SMYD5: variants seen among roughly 807,000 people sequenced by gnomAD.
The protein encoded by SMYD5 is protein-lysine N-trimethyltransferase SMYD5.
A neutral mutation model predicts 57.4 loss-of-function variants in SMYD5; 35 were observed. That is an observed-to-expected ratio of 0.61 (90% CI 0.47 to 0.81). The LOEUF (loss-of-function observed/expected upper bound fraction) is 0.81. Among genes scored for constraint, SMYD5 ranks in the 30% least tolerant of loss-of-function variants. The probability of loss-of-function intolerance (pLI) is 0.00; values close to 1 mark genes in which losing one functional copy is unlikely to be tolerated. For synonymous variants in SMYD5, 198 were observed against 189.7 expected, an observed-to-expected ratio of 1.04 and a Z score of -0.36; for missense variants, 471 against 527.9, an observed-to-expected ratio of 0.89 and a Z score of 1.06.
Position 73,226,645 on chromosome 2 carries a change from G to C in SMYD5, c.*699G>C, listed in dbSNP as rs1686514453. ...CTGGCACAGTGGCTGGCCTTATGGA[G>C]TATGGAAAAGGCCTCTGCCTTCCTC... On this transcript the variant is annotated 3_prime_UTR_variant, in exon 13 of 13. Transcript: ENST00000389501. 6.5e-6 allele frequency: 1 copy of C among 152,952 alleles called. No individual in the cohort carries two copies. The highest frequency in any genetic ancestry group is 2.4e-5 in the African/African-American group (1 of 41,446). 9.5% of individuals were successfully genotyped at this position (152,952 alleles called of 1,614,324 possible).
In SMYD5 at chr2:73,221,930, GGTT is replaced by G; in HGVS notation, c.642+1_642+3del. On this transcript the variant is annotated splice_donor_variant and splice_donor_region_variant and intron_variant, in intron 6 of 12. Coordinates refer to ENST00000389501, the MANE Select transcript of SMYD5 (RefSeq NM_006062.3). LOFTEE classifies it high-confidence loss of function. ...ATAAACTTCTGGGAGACAAATTCAA[GGTT>G]ATTATTCTCCCGTGGCCTGTCTCCT... The G allele has an allele frequency of 6.3e-7, 1 of 1,586,800 alleles. No homozygotes were observed. Among genetic ancestry groups the G allele is most frequent in the Non-Finnish European group, 8.7e-7 (1 of 1,155,162 alleles).
rs1456059179 is a variant in SMYD5, at chr2:73,226,437, T to G, written c.*491T>G. On this transcript the variant is annotated 3_prime_UTR_variant, in exon 13 of 13. Coordinates refer to ENST00000389501, the MANE Select transcript of SMYD5 (RefSeq NM_006062.3). ...AGCTGTGGCTGGTAAGGCAACTGCT[T>G]GACCACTGGCCCAGCAAGCAGAGGC... 1 of 154,798 alleles carries G rather than the reference T, an allele frequency of 6.5e-6. No homozygotes were observed. Among genetic ancestry groups the G allele is most frequent in the African/African-American group, 2.4e-5 (1 of 41,400 alleles). 9.6% of individuals were successfully genotyped at this position (154,798 alleles called of 1,614,324 possible).
At chr2:73,221,363 C>A in intron 5 of SMYD5, 129 bp downstream of exon 5, 1 of 730,698 alleles carries the variant, frequency 1.4e-6, no homozygotes, top group East Asian at 2.7e-5. Flanking sequence ...AGGAGAGCTC[C>A]TTGCTATGTA....
chr2:73,214,384 C>G (rs1047680434), intron 1 of SMYD5, 22 bp downstream of exon 1: 2 of 1,612,230 alleles, frequency 1.2e-6, no homozygotes, highest in Non-Finnish European at 1.7e-6. Context: ...GCGGGTCCTG[C>G]CGGGAGCCTC....
chr2:73,221,027 C>A, intron 4 of SMYD5, 138 bp from the exon 5 acceptor site: 2 of 871,724 alleles, frequency 2.3e-6, no homozygotes, highest in Non-Finnish European at 3.7e-6. Context: ...CAAAGTCTTG[C>A]CTAAGTCCTT....
intron 3 of SMYD5, 116 bp downstream of exon 3, chr2:73,220,306 A>C: frequency 9.0e-7 from 1 of 1,109,766 alleles, no homozygotes; most frequent in Non-Finnish European, 1.3e-6. Flanking sequence ...TGAAAACTAC[A>C]ATGTAGGATA....
intron 11 of SMYD5, 100 bp downstream of exon 11, chr2:73,225,060 G>A: frequency 1.2e-6 from 1 of 844,162 alleles, no homozygotes; most frequent in Non-Finnish European, 1.9e-6. Context: ...TTGAAGTTCA[G>A]GCTGTTGGGT....
rs916034437 is a variant in SMYD5, at chr2:73,214,504, C to A, written c.96+142C>A. ...TGCCCCTGCTCGCGGCCCGGGGGCT[C>A]CCAGTCTGTCCCTGCGCGCAGGCTC... On this transcript the variant is annotated intron_variant, in intron 1 of 12. Transcript: ENST00000389501. 19 of 1,488,976 alleles carry A rather than the reference C, an allele frequency of 1.3e-5. No homozygotes were observed. The African/African-American group carries it at 2.7e-4, about 21-fold the overall frequency. The allele number at this position is 1,488,976 out of a possible 1,614,324, so 92.2% of individuals were successfully genotyped here. A position where few individuals can be genotyped will look rare whatever the true frequency, so the allele number is the denominator to read the frequency against.
At position 73,226,855 on chromosome 2, in the gene SMYD5, G is replaced by A. The variant is rs193220657; in HGVS notation, c.*909G>A. 1.3e-5 allele frequency: 2 copies of A among 152,822 alleles called. No homozygotes were observed. Among genetic ancestry groups the A allele is most frequent in the East Asian group, 3.9e-4 (2 of 5,188 alleles). 9.5% of individuals were successfully genotyped at this position (152,822 alleles called of 1,614,324 possible). ...CCTGGCCTCAATCTCCATCTTTAGG[G>A]TCTCCACAGACTAACATTGAAGTCT... On this transcript the variant is annotated 3_prime_UTR_variant, in exon 13 of 13. Transcript: ENST00000389501.
At position 73,214,254 on chromosome 2, in the gene SMYD5, A is replaced by G. The variant is rs756097359; in HGVS notation, c.-13A>G. ...GGCGGGGTTAAGGGTCATAAGGCGG[A>G]GGCGCGCCCAAGATGGCGGCCTCCA... On this transcript the variant is annotated 5_prime_UTR_variant, in exon 1 of 13. Coordinates refer to ENST00000389501, the MANE Select transcript of SMYD5 (RefSeq NM_006062.3). 22 of 1,613,218 alleles carry G rather than the reference A, an allele frequency of 1.4e-5. No homozygotes were observed. In the Admixed American group the frequency reaches 2.7e-4, roughly 20 times the overall value.
At chr2:73,221,329 C>A in intron 5 of SMYD5, 95 bp downstream of exon 5, 2 of 1,010,938 alleles carry the variant, frequency 2.0e-6, no homozygotes, top group Non-Finnish European at 3.1e-6. Flanking sequence ...AGCTTGGATG[C>A]AGAGTTCTTC....
At chr2:73,222,980 A>C in intron 7 of SMYD5, 56 bp from the exon 8 acceptor site, 1 of 1,558,392 alleles carries the variant, frequency 6.4e-7, no homozygotes, top group Non-Finnish European at 8.9e-7. Flanking sequence ...AGAGAGTCCA[A>C]TTGGAAGAAA....
intron 3 of SMYD5, 102 bp from the exon 4 acceptor site, chr2:73,220,559 C>T: frequency 1.5e-6 from 2 of 1,375,230 alleles, no homozygotes; most frequent in Non-Finnish European, 2.0e-6. Flanking sequence ...TCTCATGATA[C>T]ATCTGAGCTA....
chr2:73,221,230 A>G lies in SMYD5; in HGVS notation c.533A>G (p.Lys178Arg). The change falls in exon 5 of 13, where the codon AAG (lysine) becomes AGG (arginine). Residue 178 changes from lysine to arginine, a missense_variant. By Grantham distance (26) the Lys-to-Arg change is conservative. Transcript: ENST00000389501. Reference sequence around the variant, plus strand: ...ATGGCTAGGATGGTGGCCACAGTGAAGCAGGTGAGCCCACCCAACCCTCTC... The same window carrying G: ...ATGGCTAGGATGGTGGCCACAGTGAGGCAGGTGAGCCCACCCAACCCTCTC... ...MLMARMVATV[K>R]QAKDKDRWIR... 9 of 1,613,658 alleles carry G rather than the reference A, an allele frequency of 5.6e-6. No homozygotes were observed. Among genetic ancestry groups the G allele is most frequent in the Non-Finnish European group, 6.8e-6 (8 of 1,179,764 alleles).
In SMYD5 at chr2:73,223,543, T is replaced by A; in HGVS notation, c.883+11T>A. The A allele has an allele frequency of 6.3e-7, 1 of 1,590,576 alleles. No individual in the cohort carries two copies. The highest frequency in any genetic ancestry group is 8.6e-7 in the Non-Finnish European group (1 of 1,158,464). On this transcript the variant is annotated intron_variant, in intron 9 of 12. Transcript: ENST00000389501. ...AGGACATCGAGGCAGGTTGGTGAGA[T>A]AGGGCCTTGGCCTCACCCAGCCATG...
chr2:73,224,827 T>A, intron 10 of SMYD5, 39 bp from the exon 11 acceptor site: 1 of 1,454,186 alleles, frequency 6.9e-7, no homozygotes, highest in Non-Finnish European at 9.6e-7. Context: ...ATTATTTTTT[T>A]TAGTCAATAA....
At position 73,218,872 on chromosome 2, in the gene SMYD5, G is replaced by A. The variant is rs772346750; in HGVS notation, c.108G>A (p.Leu36=). 2.5e-6 allele frequency: 4 copies of A among 1,613,900 alleles called. No individual in the cohort carries two copies. The highest frequency in any genetic ancestry group is 2.2e-5 in the South Asian group (2 of 91,082). The change falls in exon 2 of 13, where the codon CTG becomes CTA. Residue 36 remains leucine, a synonymous_variant. Transcript: ENST00000389501. The part of the protein sequence containing the change: ...RFVSSAKGKG[L]FATQLIRKGE... ...CTCTGCCCTCTCAGGGAAAGGGGCT[G>A]TTTGCCACACAGCTCATCCGGAAGG...
At chr2:73,221,311 A>C in intron 5 of SMYD5, 77 bp downstream of exon 5, 2 of 1,196,412 alleles carry the variant, frequency 1.7e-6, no homozygotes, top group Non-Finnish European at 2.5e-6. Flanking sequence ...TCCTCACCTC[A>C]AAGCCCTAGC....
intron 6 of SMYD5, among the ~76,000 whole-genome samples, chr2:73,222,238 G>T (rs1267457596): frequency 6.6e-6 from 1 of 152,232 alleles, no homozygotes. Flanking sequence ...AAATCAGGTA[G>T]AATGGGGCCG....
Sources: gnomAD v4.1 joint callset for allele counts (sites outside exome capture counted in the v4.1 genomes callset) on GRCh38, gnomAD v4.1.1 for gene constraint, MANE v1.5 for transcripts, NCBI Gene and HGNC (gene_info 2026-07-23, HGNC 2026-07-21) for gene names.